Variants in IFT81 observed in about 807,000 individuals in gnomAD.
The protein encoded by IFT81 is intraflagellar transport 81.
In IFT81, 72 loss-of-function variants were observed where a neutral mutation model predicts 102.6. The ratio of observed to expected loss-of-function variants is 0.70; its 90% CI spans 0.58 to 0.85. The LOEUF is 0.85. Ranked by LOEUF, IFT81 falls within the 40% of genes least tolerant of loss-of-function variation. The pLI is 0.00. For synonymous variants in IFT81, 237 were observed against 242.7 expected (o/e 0.98, Z 0.22); for missense variants, 723 against 787.3 (o/e 0.92, Z 0.98).
chr12:110,202,619 A>G (rs1395443295), intron 14 of IFT81, among the ~76,000 whole-genome samples: 1 of 151,634 alleles, frequency 6.6e-6, no homozygotes, highest in Non-Finnish European at 1.5e-5. Flanking sequence ...TGCCCAGCTA[A>G]TTTTTTTGTA....
At chr12:110,162,017 A>G (rs1250958721) in intron 10 of IFT81, among the ~76,000 whole-genome samples, 1 of 152,236 alleles carries the variant, frequency 6.6e-6, no homozygotes, top group African/African-American at 2.4e-5. Flanking sequence ...AAATGCTGCT[A>G]AGAGTAGCCA....
chr12:110,169,060 CCT>C (rs1896604507), intron 11 of IFT81: 2 of 148,236 alleles, frequency 1.3e-5, no homozygotes, highest in East Asian at 2.0e-4. Context: ...TTCCTTCCTT[CCT>C]TCCTTCCTTC....
rs767917255 is a variant in IFT81, at chr12:110,128,161, A to G, written c.248+12A>G. 6.6e-7 allele frequency: 1 copy of G among 1,518,406 alleles called. No individual in the cohort carries two copies. The highest frequency in any genetic ancestry group is 1.1e-5 in the South Asian group (1 of 88,906). 94.1% of individuals were successfully genotyped at this position (1,518,406 alleles called of 1,614,324 possible). On this transcript the variant is annotated intron_variant, in intron 3 of 18. Transcript: ENST00000242591. ...AATGCCACAGATATGTAAGAATCTG[A>G]TCACGTATTGAGTTTTTAAAATTAT...
intron 5 of IFT81, among the ~76,000 whole-genome samples, chr12:110,133,471 A>G (rs1023894154): frequency 6.6e-6 from 1 of 151,484 alleles, no homozygotes; most frequent in Non-Finnish European, 1.5e-5. Flanking sequence ...AAAAAAAAAA[A>G]AAACAAATTA....
chr12:110,167,453 T>C (rs901208506), intron 11 of IFT81, among the ~76,000 whole-genome samples: 3 of 152,216 alleles, frequency 2.0e-5, no homozygotes, highest in East Asian at 1.9e-4. Flanking sequence ...TGAAAGATGA[T>C]AGAAACTACA....
chr12:110,201,279 G>A (rs1451679661), intron 14 of IFT81, among the ~76,000 whole-genome samples: 1 of 151,554 alleles, frequency 6.6e-6, no homozygotes. Flanking sequence ...GCACATGTCT[G>A]TAGTCCCAGC....
intron 11 of IFT81, among the ~76,000 whole-genome samples, chr12:110,177,529 C>G (rs1018474908): frequency 6.6e-6 from 1 of 152,202 alleles, no homozygotes; most frequent in African/African-American, 2.4e-5. Context: ...CGCAGTCCCC[C>G]CACCTCAGCC....
chr12:110,216,412 C>T (rs1870128423), intron 18 of IFT81: 2 of 430,120 alleles, frequency 4.6e-6, no homozygotes, highest in South Asian at 3.3e-5. Context: ...CCAGGCAGGC[C>T]TTGAACTCCC....
intron 10 of IFT81, among the ~76,000 whole-genome samples, chr12:110,151,572 G>A (rs1895529459): frequency 6.6e-6 from 1 of 152,140 alleles, no homozygotes; most frequent in African/African-American, 2.4e-5. Flanking sequence ...TATATTTATG[G>A]TATACAACAT....
chr12:110,150,105 TTTC>T (rs1205589803), intron 10 of IFT81, among the ~76,000 whole-genome samples: 2 of 151,962 alleles, frequency 1.3e-5, no homozygotes, highest in Non-Finnish European at 2.9e-5. Context: ...TTTGTTTTCT[TTTC>T]TTTTCTTTTT....
intron 14 of IFT81, among the ~76,000 whole-genome samples, chr12:110,199,398 A>C (rs1160869451): frequency 6.6e-6 from 1 of 152,174 alleles, no homozygotes; most frequent in South Asian, 2.1e-4. Context: ...GAAATATCAC[A>C]AACTTGGAGC....
At position 110,186,238 on chromosome 12, in the gene IFT81, CTTG is replaced by C. The variant is rs1276726154; in HGVS notation, c.1339-4679_1339-4677del. ...TTATTTCATAACATCAACTGTACAT[CTTG>C]TTTGTTTGTTTGTTTGTTTGTTTGT... On this transcript the variant is annotated intron_variant, in intron 12 of 18. Coordinates refer to ENST00000242591, the MANE Select transcript of IFT81 (RefSeq NM_014055.4). Among the ~76,000 whole-genome samples, 24 of 150,910 alleles carry C rather than the reference CTTG, an allele frequency of 1.6e-4. No individual in the cohort carries two copies. The East Asian group carries it at 2.5e-3, about 16-fold the overall frequency.
intron 8 of IFT81, among the ~76,000 whole-genome samples, chr12:110,137,950 C>T (rs1432989325): frequency 2.0e-5 from 3 of 152,182 alleles, no homozygotes; most frequent in Non-Finnish European, 4.4e-5. Flanking sequence ...CTTACATTAG[C>T]TTAACACAGA....
intron 8 of IFT81, among the ~76,000 whole-genome samples, chr12:110,142,856 T>G (rs1016213376): frequency 6.6e-6 from 1 of 152,100 alleles, no homozygotes; most frequent in Non-Finnish European, 1.5e-5. Flanking sequence ...TGAGCTGAGA[T>G]AGTGCCACTA....
intron 12 of IFT81, among the ~76,000 whole-genome samples, chr12:110,186,896 G>T (rs1302934595): frequency 6.6e-6 from 1 of 152,142 alleles, no homozygotes. Flanking sequence ...CTACATGCAT[G>T]TTGGACATTT....
intron 12 of IFT81, among the ~76,000 whole-genome samples, chr12:110,185,388 C>T (rs563349500): frequency 1.3e-5 from 2 of 151,904 alleles, no homozygotes; most frequent in African/African-American, 4.8e-5. Context: ...GACGGGGTTT[C>T]ACCATGTTAG....
chr12:110,132,120 G>T (rs1244109646), intron 4 of IFT81, among the ~76,000 whole-genome samples: 2 of 152,130 alleles, frequency 1.3e-5, no homozygotes, highest in Non-Finnish European at 2.9e-5. Context: ...TTTTAATGCT[G>T]TTCTTACAAT....
Position 110,132,592 on chromosome 12 carries a change from G to T in IFT81, c.475G>T (p.Glu159Ter). Residue 159 changes from glutamate (E) to a stop codon, truncating the protein, a stop_gained, in exon 5 of 19, where the codon GAG becomes TAG. Transcript: ENST00000242591. LOFTEE classifies it high-confidence loss of function. Reference sequence around the variant, plus strand: ...CTTTAAAACTTTGCATAAAGAATATGAGCAGCTCAAGATATCTGGATTTTC... The same window carrying T: ...CTTTAAAACTTTGCATAAAGAATATTAGCAGCTCAAGATATCTGGATTTTC... ...EAFKTLHKEYEQLKISGFSTA... is the reference protein window; with the variant it reads ...EAFKTLHKEY 1.3e-6 allele frequency: 2 copies of T among 1,582,256 alleles called. No homozygotes were observed. The highest frequency in any genetic ancestry group is 2.3e-5 in the South Asian group (2 of 88,358).
intron 8 of IFT81, among the ~76,000 whole-genome samples, chr12:110,140,139 A>G (rs1314651652): frequency 6.6e-6 from 1 of 152,112 alleles, no homozygotes; most frequent in Non-Finnish European, 1.5e-5. Context: ...GTTTTGGGTT[A>G]CATGTGCTGA....
Sources: allele counts gnomAD v4.1 joint callset (sites outside exome capture counted in the v4.1 genomes callset), GRCh38; gene constraint gnomAD v4.1.1; transcripts MANE v1.5; gene names NCBI Gene and HGNC (gene_info 2026-07-23, HGNC 2026-07-21).